The following CWC27 variants were observed in gnomAD, a reference collection of about 807,000 sequenced individuals.
CWC27 encodes spliceosome-associated protein CWC27 homolog.
Under a neutral mutation model 63.6 loss-of-function variants are expected in CWC27, and 47 were observed. The ratio of observed to expected loss-of-function variants is 0.74; its 90% confidence interval spans 0.58 to 0.94. CWC27 has a LOEUF of 0.94. Among genes scored for constraint, CWC27 ranks in the 40% least tolerant of loss-of-function variants. The pLI is 0.00. For synonymous variants in CWC27, 175 were observed against 179.8 expected (o/e 0.97, Z 0.22); for missense variants, 495 against 554.3 (o/e 0.89, Z 1.07).
intron 13 of CWC27, among the ~76,000 whole-genome samples, chr5:65,014,889 T>G (rs1431169529): frequency 6.6e-6 from 1 of 152,244 alleles, no homozygotes. Flanking sequence ...AGGTTAAATA[T>G]TATTGCCAAG....
chr5:64,830,348 A>G (rs1228309216), intron 10 of CWC27, among the ~76,000 whole-genome samples: 3 of 152,142 alleles, frequency 2.0e-5, no homozygotes, highest in African/African-American at 7.2e-5. Flanking sequence ...TATTTAATAA[A>G]TGGTGCTGGG....
At chr5:64,991,400 A>G (rs766996572) in intron 13 of CWC27, among the ~76,000 whole-genome samples, 1 of 151,940 alleles carries the variant, frequency 6.6e-6, no homozygotes, top group African/African-American at 2.4e-5. Context: ...GTTTAACTCA[A>G]GTTGGAGTCT....
At chr5:64,849,239 A>C (rs987099614) in intron 10 of CWC27, among the ~76,000 whole-genome samples, 1 of 152,158 alleles carries the variant, frequency 6.6e-6, no homozygotes, top group East Asian at 1.9e-4. Flanking sequence ...CCAAAAAAAA[A>C]AAAAAGATAA....
chr5:64,950,956 T>C (rs1032758306), intron 11 of CWC27, among the ~76,000 whole-genome samples: 2 of 152,136 alleles, frequency 1.3e-5, no homozygotes, highest in East Asian at 1.9e-4. Context: ...TTTTTTTCCT[T>C]ATTTGTTGAT....
intron 11 of CWC27, among the ~76,000 whole-genome samples, chr5:64,907,210 A>G (rs903067853): frequency 1.3e-5 from 2 of 152,204 alleles, no homozygotes; most frequent in African/African-American, 2.4e-5. Context: ...GAAGAAAGTC[A>G]TTGGTAGCTT....
At chr5:64,855,088 G>A (rs1342537558) in intron 10 of CWC27, among the ~76,000 whole-genome samples, 1 of 152,048 alleles carries the variant, frequency 6.6e-6, no homozygotes, top group East Asian at 1.9e-4. Context: ...AGTGAATGTG[G>A]TCATGTTTAA....
intron 7 of CWC27, among the ~76,000 whole-genome samples, chr5:64,794,867 C>T (rs1005870167): frequency 2.0e-5 from 3 of 152,194 alleles, no homozygotes; most frequent in South Asian, 2.1e-4. Flanking sequence ...TTAAAGCTTA[C>T]AATCAAGATA....
At chr5:64,857,235 GT>G (rs1240834010) in intron 10 of CWC27, among the ~76,000 whole-genome samples, 1 of 151,916 alleles carries the variant, frequency 6.6e-6, no homozygotes, top group Non-Finnish European at 1.5e-5. Context: ...TTTTTCACCA[GT>G]TTTACTCACT....
At chr5:64,892,019 T>C in intron 11 of CWC27, among the ~76,000 whole-genome samples, 1 of 152,192 alleles carries the variant, frequency 6.6e-6, no homozygotes, top group South Asian at 2.1e-4. Flanking sequence ...GGTGTTGAAC[T>C]CCTGACCTTA....
intron 11 of CWC27, among the ~76,000 whole-genome samples, chr5:64,898,471 C>T (rs1450261479): frequency 6.6e-6 from 1 of 152,108 alleles, no homozygotes; most frequent in African/African-American, 2.4e-5. Context: ...AAAACTTGCA[C>T]ATAGTAGATA....
chr5:64,910,787 C>T (rs1305504774), intron 11 of CWC27, among the ~76,000 whole-genome samples: 1 of 152,192 alleles, frequency 6.6e-6, no homozygotes, highest in African/African-American at 2.4e-5. Flanking sequence ...CCTGGTGTGC[C>T]ATTTGCTAAG....
At chr5:64,787,751 T>C (rs896413393) in intron 6 of CWC27, among the ~76,000 whole-genome samples, 12 of 152,204 alleles carry the variant, frequency 7.9e-5, no homozygotes, top group Admixed American at 1.3e-4. Context: ...AATCGTAGGA[T>C]CCTTATTAGA....
intron 11 of CWC27, among the ~76,000 whole-genome samples, chr5:64,929,641 T>A (rs1471953119): frequency 3.9e-5 from 6 of 152,080 alleles, no homozygotes; most frequent in African/African-American, 1.4e-4. Context: ...GAAATGCGAA[T>A]CAAAACCATA....
intron 11 of CWC27, among the ~76,000 whole-genome samples, chr5:64,902,776 G>T (rs1015515500): frequency 1.3e-5 from 2 of 151,944 alleles, no homozygotes; most frequent in Non-Finnish European, 2.9e-5. Context: ...ATTTTGATTG[G>T]GATTGCATTG....
chr5:64,816,382 AAC>A (rs1745030842), intron 10 of CWC27, among the ~76,000 whole-genome samples: 1 of 152,150 alleles, frequency 6.6e-6, no homozygotes, highest in Admixed American at 6.6e-5. Flanking sequence ...GCTTAACTGA[AAC>A]ACATTCATCA....
intron 13 of CWC27, among the ~76,000 whole-genome samples, chr5:64,979,000 G>A (rs1227526712): frequency 6.6e-6 from 1 of 152,050 alleles, no homozygotes; most frequent in Admixed American, 6.6e-5. Flanking sequence ...TAGCCCCTTG[G>A]TTCAGTATTC....
At chr5:65,003,337 A>G (rs1452583447) in intron 13 of CWC27, among the ~76,000 whole-genome samples, 2 of 152,136 alleles carry the variant, frequency 1.3e-5, no homozygotes, top group Admixed American at 6.5e-5. Flanking sequence ...ATTGTTTTAT[A>G]GTTGTTTTGT....
At chr5:64,999,884 C>T (rs72758825) in intron 13 of CWC27, among the ~76,000 whole-genome samples, 2,214 of 152,134 alleles carry the variant, frequency 0.015, 15 homozygotes, top group Non-Finnish European at 0.023. Flanking sequence ...TATGGTAGCT[C>T]TATTTTTACC....
At chr5:64,971,460 C>T (rs1749123579) in intron 11 of CWC27, among the ~76,000 whole-genome samples, 1 of 152,126 alleles carries the variant, frequency 6.6e-6, no homozygotes, top group African/African-American at 2.4e-5. Flanking sequence ...GTGAGAAGAA[C>T]AATTACAATA....
Sources: allele counts gnomAD v4.1 joint callset (sites outside exome capture counted in the v4.1 genomes callset), GRCh38; gene constraint gnomAD v4.1.1; transcripts MANE v1.5; gene names NCBI Gene and HGNC (gene_info 2026-07-23, HGNC 2026-07-21).